Variants in GRM3 observed in about 807,000 individuals in gnomAD.
The protein encoded by GRM3 is metabotropic glutamate receptor 3.
A neutral mutation model predicts 70.5 loss-of-function variants in GRM3; 26 were observed. The observed-to-expected ratio is 0.37, with a 90% CI of 0.27 to 0.51. GRM3 has a LOEUF of 0.51. Ranked by LOEUF, GRM3 falls within the 20% of genes least tolerant of loss-of-function variation. The pLI, the probability that GRM3 is intolerant of heterozygous loss-of-function variation, is 0.93. For synonymous variants in GRM3, 443 were observed against 434.9 expected (o/e 1.02, Z -0.23); for missense variants, 859 against 1,123.8 (o/e 0.76, Z 3.37).
chr7:86,665,231 G>A (rs564055505), intron 1 of GRM3, among the ~76,000 whole-genome samples: 2 of 151,984 alleles, frequency 1.3e-5, no homozygotes, highest in Non-Finnish European at 2.9e-5. Context: ...CTGGGAGAAC[G>A]TGTTATGAAT....
At position 86,839,149 on chromosome 7, in the gene GRM3, C is replaced by T; in HGVS notation, c.1635C>T (p.Thr545=). 3 of 1,614,066 alleles carry T rather than the reference C, an allele frequency of 1.9e-6. No homozygotes were observed. The South Asian group carries it at 3.3e-5, about 18-fold the overall frequency. Residue 545 remains threonine, a synonymous_variant, in exon 4 of 6, where the codon ACC becomes ACT. Transcript: ENST00000361669. This position sits in a 1 kb window ranked among gnomAD's most constrained non-coding sequence, Gnocchi z 4.5. ...EPYEYLADEF[T]CMDCGSGQWP... is the part of the protein sequence containing the mutation. ...ACGAATACCTGGCTGATGAGTTTAC[C>T]TGTATGGATTGTGGGTCTGGACAGT...
At chr7:86,680,050 G>A (rs907770329) in intron 1 of GRM3, among the ~76,000 whole-genome samples, 23 of 152,060 alleles carry the variant, frequency 1.5e-4, no homozygotes, top group Non-Finnish European at 5.9e-5. Context: ...TGCAGAACAA[G>A]GAATGTACCA....
chr7:86,712,796 C>A (rs1795228343), intron 1 of GRM3, among the ~76,000 whole-genome samples: 1 of 152,070 alleles, frequency 6.6e-6, no homozygotes, highest in African/African-American at 2.4e-5. Flanking sequence ...ATCCATGTTG[C>A]TGCAAATAAC....
chr7:86,786,561 G>T lies in GRM3; in HGVS notation c.769G>T (p.Asp257Tyr), dbSNP rs571579021. 6.2e-7 allele frequency: 1 copy of T among 1,613,968 alleles called. No homozygotes were observed. Among genetic ancestry groups the T allele is most frequent in the South Asian group, 1.1e-5 (1 of 91,086 alleles). ...CCGCTCCAACATCCGCAAGTCCTAC[G>T]ACAGCGTGATCCGAGAACTGTTGCA... ...VGRSNIRKSYDSVIRELLQKP... is the reference protein window; with the variant it reads ...VGRSNIRKSYYSVIRELLQKP... The change falls in exon 3 of 6, where the codon GAC (aspartate) becomes TAC (tyrosine). Residue 257 changes from aspartate to tyrosine, a missense_variant. By Grantham distance (160) the Asp-to-Tyr change is radical (BLOSUM62 -3). Transcript: ENST00000361669. The surrounding 1 kb of genome is among the most constrained non-coding windows in gnomAD (Gnocchi z 6.0).
intron 1 of GRM3, among the ~76,000 whole-genome samples, chr7:86,674,272 C>T (rs1479035363): frequency 1.3e-5 from 2 of 152,036 alleles, no homozygotes; most frequent in Non-Finnish European, 2.9e-5. Context: ...TGTTAGAAGT[C>T]CTCCATTCCT....
chr7:86,721,391 A>G (rs1795459071), intron 1 of GRM3, among the ~76,000 whole-genome samples: 1 of 152,064 alleles, frequency 6.6e-6, no homozygotes. Flanking sequence ...GGAAATTTTT[A>G]CCCTTCCCTG....
At chr7:86,679,946 A>G (rs937599821) in intron 1 of GRM3, among the ~76,000 whole-genome samples, 2 of 152,170 alleles carry the variant, frequency 1.3e-5, no homozygotes, top group African/African-American at 4.8e-5. Flanking sequence ...TTTACAAATA[A>G]GACAATCACA....
chr7:86,710,855 T>A (rs1004904501), intron 1 of GRM3, among the ~76,000 whole-genome samples: 12 of 151,992 alleles, frequency 7.9e-5, no homozygotes, highest in Non-Finnish European at 1.8e-4. Context: ...AAAGGTAGAT[T>A]GTTATTATTA....
intron 3 of GRM3, among the ~76,000 whole-genome samples, chr7:86,830,852 C>A (rs998724529): frequency 2.0e-5 from 3 of 151,990 alleles, no homozygotes; most frequent in Admixed American, 2.0e-4. Flanking sequence ...TAGGGTGGGC[C>A]CCAGTCCAAT....
intron 1 of GRM3, among the ~76,000 whole-genome samples, chr7:86,705,630 CA>C (rs1436280673): frequency 6.6e-6 from 1 of 151,998 alleles, no homozygotes; most frequent in Non-Finnish European, 1.5e-5. Context: ...AAAAAGAGCA[CA>C]AGAGTCTTTT....
chr7:86,723,039 T>G (rs969381496), intron 1 of GRM3, among the ~76,000 whole-genome samples: 1 of 152,088 alleles, frequency 6.6e-6, no homozygotes, highest in Non-Finnish European at 1.5e-5. Context: ...TAAATATTAA[T>G]ATTACTCATA....
At position 86,850,484 on chromosome 7, in the gene GRM3, A is replaced by C. The variant is rs1439436056; in HGVS notation, c.2506A>C (p.Thr836Pro). 1 of 1,611,996 alleles carries C rather than the reference A, an allele frequency of 6.2e-7. No homozygotes were observed. The highest frequency in any genetic ancestry group is 1.7e-5 in the Admixed American group (1 of 59,946). The change falls in exon 5 of 6, where the codon ACA becomes CCA. Residue 836 changes from threonine to proline, a missense_variant. Thr to Pro is a conservative substitution (Grantham distance 38). Coordinates refer to ENST00000361669, the MANE Select transcript of GRM3 (RefSeq NM_000840.3). ...ILFQPQKNVV[T>P]HRLHLNRFSV... ...GTTTCAACCCCAGAAGAATGTTGTC[A>C]CACACAGACTGCACCTCAACAGGTT...
intron 1 of GRM3, among the ~76,000 whole-genome samples, chr7:86,744,663 A>G (rs181780501): frequency 6.6e-6 from 1 of 152,170 alleles, no homozygotes; most frequent in Admixed American, 6.6e-5. Flanking sequence ...ATAAACTCCT[A>G]CTATATATGC....
chr7:86,757,232 C>T (rs1796366637), intron 1 of GRM3, among the ~76,000 whole-genome samples: 1 of 152,154 alleles, frequency 6.6e-6, no homozygotes, highest in Non-Finnish European at 1.5e-5. Context: ...GCAATTTATA[C>T]TTACATGCTG....
At chr7:86,717,908 T>A (rs1462698980) in intron 1 of GRM3, among the ~76,000 whole-genome samples, 1 of 151,310 alleles carries the variant, frequency 6.6e-6, no homozygotes, top group East Asian at 2.0e-4. Flanking sequence ...CCATCTCCAC[T>A]GTCAGTGACT....
chr7:86,683,022 C>A (rs954440760), intron 1 of GRM3, among the ~76,000 whole-genome samples: 4 of 152,060 alleles, frequency 2.6e-5, no homozygotes, highest in Non-Finnish European at 5.9e-5. Flanking sequence ...TTGAACTGAA[C>A]AAATCATTCT....
At chr7:86,693,528 G>C (rs149592257) in intron 1 of GRM3, among the ~76,000 whole-genome samples, 30 of 152,156 alleles carry the variant, frequency 2.0e-4, no homozygotes, top group African/African-American at 7.0e-4. Context: ...AAAAGGACAC[G>C]CTTCTAGCTA....
At chr7:86,828,391 C>A (rs1478842983) in intron 3 of GRM3, among the ~76,000 whole-genome samples, 1 of 152,174 alleles carries the variant, frequency 6.6e-6, no homozygotes, top group Non-Finnish European at 1.5e-5. Flanking sequence ...TATATACACA[C>A]TTTTGCACAT....
intron 3 of GRM3, among the ~76,000 whole-genome samples, chr7:86,823,490 T>C (rs1011204731): frequency 6.7e-6 from 1 of 150,316 alleles, no homozygotes; most frequent in Non-Finnish European, 1.5e-5. Context: ...TCTCTGCCCT[T>C]TTCAATTATA....
Sources: gnomAD v4.1 joint callset for allele counts (sites outside exome capture counted in the v4.1 genomes callset) on GRCh38, gnomAD v4.1.1 for gene constraint, Gnocchi (gnomAD v3.1) non-coding constraint, MANE v1.5 for transcripts, NCBI Gene and HGNC (gene_info 2026-07-23, HGNC 2026-07-21) for gene names.